EPHA6: variants seen among roughly 807,000 people sequenced by gnomAD.
The protein encoded by EPHA6 is ephrin type-A receptor 6.
Under a neutral mutation model 112.0 loss-of-function variants are expected in EPHA6, and 50 were observed. That is an observed-to-expected ratio of 0.45 (90% CI 0.36 to 0.56). EPHA6 has a LOEUF of 0.56. Ranked by LOEUF, EPHA6 falls within the 20% of genes least tolerant of loss-of-function variation. The pLI, the probability that EPHA6 is intolerant of heterozygous loss-of-function variation, is 0.00. For synonymous variants in EPHA6, 529 were observed against 490.7 expected, an observed-to-expected ratio of 1.08 and a Z score of -1.03; for missense variants, 1,280 against 1,417.4, an observed-to-expected ratio of 0.90 and a Z score of 1.56.
At chr3:97,244,925 A>G (rs1313473576) in intron 5 of EPHA6, among the ~76,000 whole-genome samples, 1 of 152,012 alleles carries the variant, frequency 6.6e-6, no homozygotes, top group African/African-American at 2.4e-5. Context: ...GATTTTTACA[A>G]GTATATACTT....
At chr3:97,446,405 C>G (rs747952428) in intron 6 of EPHA6, among the ~76,000 whole-genome samples, 9 of 152,112 alleles carry the variant, frequency 5.9e-5, no homozygotes, top group Non-Finnish European at 1.3e-4. Flanking sequence ...CTAAAAGCTG[C>G]CTGCAAAAGG....
At chr3:97,021,678 G>C (rs1407130109) in intron 3 of EPHA6, among the ~76,000 whole-genome samples, 1 of 152,196 alleles carries the variant, frequency 6.6e-6, no homozygotes, top group Non-Finnish European at 1.5e-5. Context: ...CTCTGTGCTT[G>C]TGCACTTGTC....
chr3:96,840,950 T>C (rs1221304892), intron 1 of EPHA6, among the ~76,000 whole-genome samples: 1 of 152,094 alleles, frequency 6.6e-6, no homozygotes, highest in Non-Finnish European at 1.5e-5. Flanking sequence ...TTAATATTGT[T>C]TTGTGAACCC....
intron 4 of EPHA6, among the ~76,000 whole-genome samples, chr3:97,229,503 G>A (rs2078458817): frequency 6.6e-6 from 1 of 151,962 alleles, no homozygotes; most frequent in Admixed American, 6.6e-5. Context: ...GTTTTTGTTT[G>A]CTTTTATTTT....
intron 14 of EPHA6, among the ~76,000 whole-genome samples, chr3:97,641,621 C>T (rs536754384): frequency 1.5e-4 from 23 of 152,350 alleles, no homozygotes; most frequent in Admixed American, 3.3e-4. Flanking sequence ...GAGGCATTGC[C>T]TCCCTTGGGA....
chr3:97,348,185 GC>G (rs2083629670), intron 5 of EPHA6, among the ~76,000 whole-genome samples: 1 of 152,034 alleles, frequency 6.6e-6, no homozygotes, highest in African/African-American at 2.4e-5. Flanking sequence ...AATGCCATAG[GC>G]TAAGTATTAT....
At chr3:97,645,280 G>C (rs1198104219) in intron 14 of EPHA6, among the ~76,000 whole-genome samples, 1 of 145,712 alleles carries the variant, frequency 6.9e-6, no homozygotes, top group Admixed American at 6.9e-5. Flanking sequence ...GTCCAACAAT[G>C]ATAGACTGGA....
chr3:97,720,130 G>A lies in EPHA6; in HGVS notation c.2785-131G>A, dbSNP rs542602057. ...TTTAACATTATTCTGGCTTTCTTTTGATTTTAATTTAAAATGCCAGTGCTA... is the reference window on the plus strand; with the variant it reads ...TTTAACATTATTCTGGCTTTCTTTTAATTTTAATTTAAAATGCCAGTGCTA... On this transcript the variant is annotated intron_variant, in intron 14 of 17. Coordinates refer to ENST00000389672, the MANE Select transcript of EPHA6 (RefSeq NM_001080448.3). The A allele has an allele frequency of 5.7e-6, 4 of 707,066 alleles. No individual in the cohort carries two copies. In the South Asian group the frequency reaches 2.6e-4, roughly 45 times the overall value. 43.8% of individuals were successfully genotyped at this position (707,066 alleles called of 1,614,324 possible).
intron 14 of EPHA6, among the ~76,000 whole-genome samples, chr3:97,689,761 C>A (rs183124107): frequency 5.7e-4 from 86 of 151,858 alleles, no homozygotes; most frequent in Non-Finnish European, 1.1e-3. Context: ...ATTGTCACAC[C>A]CCCCCTAAAA....
At chr3:97,526,581 T>A (rs2092623854) in intron 10 of EPHA6, among the ~76,000 whole-genome samples, 1 of 151,878 alleles carries the variant, frequency 6.6e-6, no homozygotes, top group African/African-American at 2.4e-5. Flanking sequence ...CCAGTTATGG[T>A]CTTCTATGGG....
chr3:96,946,843 C>T (rs2041290678), intron 2 of EPHA6, among the ~76,000 whole-genome samples: 2 of 152,254 alleles, frequency 1.3e-5, no homozygotes, highest in South Asian at 2.1e-4. Flanking sequence ...CCTGTTGTTT[C>T]CTGACTTTTT....
At chr3:97,142,420 T>C (rs1283923418) in intron 3 of EPHA6, among the ~76,000 whole-genome samples, 2 of 151,894 alleles carry the variant, frequency 1.3e-5, no homozygotes, top group Non-Finnish European at 2.9e-5. Context: ...GCAAAATTGA[T>C]AGACTGCTAG....
chr3:96,970,475 A>G (rs536440750), intron 2 of EPHA6, among the ~76,000 whole-genome samples: 30 of 152,174 alleles, frequency 2.0e-4, no homozygotes, highest in Admixed American at 4.6e-4. Context: ...AGGTTAGGAG[A>G]TTGCTAAAAG....
intron 1 of EPHA6, among the ~76,000 whole-genome samples, chr3:96,840,716 G>T (rs1419057425): frequency 6.6e-6 from 1 of 152,068 alleles, no homozygotes; most frequent in East Asian, 1.9e-4. Flanking sequence ...ACTGAGTCCT[G>T]ATTACCGGCC....
At chr3:96,950,214 C>T (rs554802031) in intron 2 of EPHA6, among the ~76,000 whole-genome samples, 2 of 152,224 alleles carry the variant, frequency 1.3e-5, no homozygotes, top group South Asian at 2.1e-4. Flanking sequence ...CTTAGCATCT[C>T]GTAATTTCTC....
chr3:97,424,714 G>A (rs2088960401), intron 6 of EPHA6, among the ~76,000 whole-genome samples: 1 of 150,766 alleles, frequency 6.6e-6, no homozygotes, highest in Admixed American at 6.6e-5. Flanking sequence ...GCTGAGGCAG[G>A]AGAATCACTT....
chr3:97,080,594 TTGA>T (rs1349769683), intron 3 of EPHA6, among the ~76,000 whole-genome samples: 23 of 152,182 alleles, frequency 1.5e-4, no homozygotes, highest in Middle Eastern at 3.4e-3. Context: ...AGAAATATAG[TTGA>T]TGACTTCACA....
intron 3 of EPHA6, 45 bp from the exon 4 acceptor site, chr3:97,226,219 T>A: frequency 6.6e-7 from 1 of 1,511,946 alleles, no homozygotes; most frequent in Non-Finnish European, 9.0e-7. Context: ...AATAAAAGAA[T>A]CCTAGCAATA....
rs1271907412 is a variant in EPHA6, at chr3:97,034,286, T to G, written c.1114+46293T>G. ...GATCTTAGTGATGAATTTTGTACTT[T>G]CTGACCTCCAATGTGATGTTAATGT... On this transcript the variant is annotated intron_variant, in intron 3 of 17. Transcript: ENST00000389672. Among the ~76,000 whole-genome samples, 3 of 151,962 alleles carry G rather than the reference T, an allele frequency of 2.0e-5. No homozygotes were observed. In the East Asian group the frequency reaches 5.8e-4, roughly 29 times the overall value.
Sources: gnomAD v4.1 joint callset for allele counts (sites outside exome capture counted in the v4.1 genomes callset) on GRCh38, gnomAD v4.1.1 for gene constraint, MANE v1.5 for transcripts, NCBI Gene and HGNC (gene_info 2026-07-23, HGNC 2026-07-21) for gene names.